Variants in TLL1 observed in about 807,000 individuals in gnomAD.
TLL1 encodes the protein tolloid-like protein 1.
Under a neutral mutation model 128.2 loss-of-function variants are expected in TLL1, and 49 were observed. The ratio of observed to expected loss-of-function variants is 0.38; its 90% confidence interval spans 0.30 to 0.48. The LOEUF is 0.48. Ranked by LOEUF, TLL1 falls within the 20% of genes least tolerant of loss-of-function variation. The pLI is 0.96. For synonymous variants in TLL1, 454 were observed against 418.8 expected, an observed-to-expected ratio of 1.08 and a Z score of -1.03; for missense variants, 1,123 against 1,242.0, an observed-to-expected ratio of 0.90 and a Z score of 1.44.
intron 1 of TLL1, among the ~76,000 whole-genome samples, chr4:165,910,131 C>T (rs765649969): frequency 1.4e-4 from 22 of 152,118 alleles, no homozygotes; most frequent in Non-Finnish European, 2.6e-4. Context: ...GATACCAGTC[C>T]TGGCTGTTTC....
intron 1 of TLL1, among the ~76,000 whole-genome samples, chr4:165,973,755 T>A (rs1735738128): frequency 6.6e-6 from 1 of 151,660 alleles, no homozygotes; most frequent in African/African-American, 2.4e-5. Flanking sequence ...AATCTGCACC[T>A]CCCAGGTACA....
chr4:165,959,723 C>A (rs1735000326), intron 1 of TLL1, among the ~76,000 whole-genome samples: 2 of 152,068 alleles, frequency 1.3e-5, no homozygotes. Context: ...GGAAATTAAA[C>A]AACTTGCTCC....
Position 165,899,604 on chromosome 4 carries a change from C to T in TLL1, c.169+25531C>T, listed in dbSNP as rs373199785. ...CTGAGAGACCATTTGTTATGATTTC[C>T]GTTCTTTTGCATTTGCTGAGGAGTG... On this transcript the variant is annotated intron_variant, in intron 1 of 20. Transcript: ENST00000061240. Among the ~76,000 whole-genome samples the T allele has an allele frequency of 4.6e-5, 7 of 151,914 alleles. 1 individual carries two copies. In the South Asian group the frequency reaches 8.3e-4, roughly 18 times the overall value.
intron 1 of TLL1, among the ~76,000 whole-genome samples, chr4:165,911,821 T>C (rs1481601357): frequency 6.6e-6 from 1 of 152,180 alleles, no homozygotes; most frequent in African/African-American, 2.4e-5. Flanking sequence ...CTGTTTAATG[T>C]GACAGTATTT....
At chr4:165,977,305 A>G (rs1262662845) in intron 1 of TLL1, among the ~76,000 whole-genome samples, 1 of 152,054 alleles carries the variant, frequency 6.6e-6, no homozygotes, top group Non-Finnish European at 1.5e-5. Flanking sequence ...GTTAGTTCTT[A>G]TGAGATCTGA....
intron 15 of TLL1, among the ~76,000 whole-genome samples, chr4:166,065,075 T>C (rs1740509025): frequency 6.6e-6 from 1 of 152,086 alleles, no homozygotes; most frequent in African/African-American, 2.4e-5. Context: ...TCTTCCATTT[T>C]AGTGTTGTTA....
intron 19 of TLL1, 127 bp from the exon 20 acceptor site, chr4:166,099,150 T>C (rs541420910): frequency 5.0e-5 from 73 of 1,448,364 alleles, no homozygotes; most frequent in Middle Eastern, 1.9e-4. Flanking sequence ...GTGGAAAACA[T>C]ATCTGACGCT....
chr4:165,989,581 T>C (rs538058543), intron 2 of TLL1, 90 bp downstream of exon 2: 1 of 917,738 alleles, frequency 1.1e-6, no homozygotes, highest in East Asian at 2.4e-5. Flanking sequence ...ATTTTTCATC[T>C]CCTGTTGATC....
intron 18 of TLL1, among the ~76,000 whole-genome samples, chr4:166,089,617 T>C (rs568553668): frequency 6.9e-4 from 105 of 152,164 alleles, no homozygotes; most frequent in Non-Finnish European, 1.0e-3. Context: ...GTTCACTGTA[T>C]TTCCCTACGC....
At chr4:165,962,350 G>T (rs1320601690) in intron 1 of TLL1, among the ~76,000 whole-genome samples, 3 of 152,056 alleles carry the variant, frequency 2.0e-5, no homozygotes, top group African/African-American at 7.2e-5. Context: ...ATTAGAAATG[G>T]GAAATCAAAA....
chr4:165,959,868 A>G (rs751376935), intron 1 of TLL1, among the ~76,000 whole-genome samples: 3 of 152,170 alleles, frequency 2.0e-5, no homozygotes, highest in African/African-American at 7.2e-5. Flanking sequence ...TTATAGTACT[A>G]AACACCTACC....
intron 1 of TLL1, among the ~76,000 whole-genome samples, chr4:165,905,887 C>G (rs183995985): frequency 4.2e-4 from 64 of 152,180 alleles, no homozygotes; most frequent in African/African-American, 1.5e-3. Context: ...AGTCCCTCAC[C>G]GTGAGACACC....
At chr4:165,947,044 T>G (rs1159647890) in intron 1 of TLL1, among the ~76,000 whole-genome samples, 1 of 152,138 alleles carries the variant, frequency 6.6e-6, no homozygotes, top group East Asian at 1.9e-4. Context: ...GTCAGCAAGA[T>G]GTCACAGACT....
At chr4:165,889,317 G>A (rs1731294111) in intron 1 of TLL1, among the ~76,000 whole-genome samples, 1 of 152,050 alleles carries the variant, frequency 6.6e-6, no homozygotes, top group African/African-American at 2.4e-5. Flanking sequence ...CTTAACATGG[G>A]GATTTTATAA....
At position 165,992,666 on chromosome 4, in the gene TLL1, C is replaced by T; in HGVS notation, c.281-138C>T. 3.9e-6 allele frequency: 3 copies of T among 770,306 alleles called. No individual in the cohort carries two copies. In the East Asian group the frequency reaches 8.0e-5, roughly 21 times the overall value. The allele number at this position is 770,306 out of a possible 1,614,324, so 47.7% of individuals were successfully genotyped here. On this transcript the variant is annotated intron_variant, in intron 2 of 20. Transcript: ENST00000061240. ...AGAGTTTTTACCCCCTTCAAAGATT[C>T]ATGGATATTCATAATTTCAACACTT... is the stretch of plus-strand genomic sequence containing the variant.
chr4:165,996,878 ATATT>A (rs1736906780), intron 5 of TLL1, among the ~76,000 whole-genome samples: 1 of 150,194 alleles, frequency 6.7e-6, no homozygotes, highest in Admixed American at 6.7e-5. Flanking sequence ...TGATATGTAT[ATATT>A]AATATTTATT....
chr4:166,092,990 C>T (rs1225743065), intron 19 of TLL1, among the ~76,000 whole-genome samples: 5 of 150,514 alleles, frequency 3.3e-5, no homozygotes, highest in Admixed American at 1.4e-4. Flanking sequence ...TGCCCGTGCA[C>T]GCCATTTGCG....
Position 166,103,582 on chromosome 4 carries a change from T to C in TLL1, c.*2706T>C, listed in dbSNP as rs535911341. 2 of 151,960 alleles carry C rather than the reference T, an allele frequency of 1.3e-5. No homozygotes were observed. Among genetic ancestry groups the C allele is most frequent in the African/African-American group, 2.4e-5 (1 of 41,526 alleles). 9.4% of individuals were successfully genotyped at this position (151,960 alleles called of 1,614,324 possible). A position where few individuals can be genotyped will look rare whatever the true frequency, so the allele number is the denominator to read the frequency against. On this transcript the variant is annotated 3_prime_UTR_variant, in exon 21 of 21. Transcript: ENST00000061240. ...AGGCATATAGAGATGTTGTCATAAC[T>C]AGGTCTTCAACGTGAAAATTAATTT...
At chr4:165,997,770 A>T (rs1350712027) in intron 5 of TLL1, among the ~76,000 whole-genome samples, 1 of 152,198 alleles carries the variant, frequency 6.6e-6, no homozygotes, top group African/African-American at 2.4e-5. Flanking sequence ...ACTTAGCTTC[A>T]GTGCATTTCC....
Sources: gnomAD v4.1 joint callset for allele counts (sites outside exome capture counted in the v4.1 genomes callset) on GRCh38, gnomAD v4.1.1 for gene constraint, MANE v1.5 for transcripts, NCBI Gene and HGNC (gene_info 2026-07-23, HGNC 2026-07-21) for gene names.